Variants in SOX6 observed in about 807,000 individuals in gnomAD.
SOX6 encodes the protein transcription factor SOX-6.
A neutral mutation model predicts 97.8 loss-of-function variants in SOX6; 11 were observed. The observed-to-expected ratio is 0.11, with a 90% CI of 0.07 to 0.19. The LOEUF (loss-of-function observed/expected upper bound fraction) is 0.19. Among genes scored for constraint, SOX6 ranks in the 10% least tolerant of loss-of-function variants. SOX6 has a pLI of 1.00. For synonymous variants in SOX6, 360 were observed against 371.4 expected, an observed-to-expected ratio of 0.97 and a Z score of 0.35; for missense variants, 810 against 1,039.5, an observed-to-expected ratio of 0.78 and a Z score of 3.04.
chr11:16,277,198 C>T (rs1032361591), intron 3 of SOX6, among the ~76,000 whole-genome samples: 3 of 152,006 alleles, frequency 2.0e-5, no homozygotes, highest in African/African-American at 7.2e-5. Context: ...TATCTGGAGA[C>T]GTGGTCTTTG....
At chr11:16,312,431 A>G (rs903205570) in intron 3 of SOX6, 1 of 152,218 alleles carries the variant, frequency 6.6e-6, no homozygotes, top group African/African-American at 2.4e-5. Context: ...GCCTAGGATC[A>G]TATACTTAGT....
chr11:16,366,802 T>A (rs887422794), intron 1 of SOX6, among the ~76,000 whole-genome samples: 1 of 152,168 alleles, frequency 6.6e-6, no homozygotes, highest in Non-Finnish European at 1.5e-5. Context: ...TAACAGATAC[T>A]GTCAGGTGAT....
chr11:16,610,492 G>T lies in SOX6; in HGVS notation n.609+1589C>A, dbSNP rs548816833. Among the ~76,000 whole-genome samples the T allele has an allele frequency of 6.6e-6, 1 of 152,290 alleles. No individual in the cohort carries two copies. Among genetic ancestry groups the T allele is most frequent in the East Asian group, 1.9e-4 (1 of 5,178 alleles). ...CGGGAGGCAAGAAGGAAAAGAAGGA[G>T]ACATTATCAAGATCTCTGGCGTCCA... On this transcript the variant is annotated intron_variant and non_coding_transcript_variant, in intron 4 of 5. Coordinates refer to the SOX6 transcript ENST00000524520. This position sits in a 1 kb window ranked among gnomAD's most constrained non-coding sequence, Gnocchi z 4.4.
chr11:16,515,794 T>C (rs1860961802), intron 4 of SOX6, among the ~76,000 whole-genome samples: 1 of 122,640 alleles, frequency 8.2e-6, no homozygotes, highest in Non-Finnish European at 1.7e-5. Context: ...GCACCATTTA[T>C]TAAATAGGGA....
At chr11:16,062,357 A>G (rs1388424983) in intron 9 of SOX6, among the ~76,000 whole-genome samples, 1 of 151,724 alleles carries the variant, frequency 6.6e-6, no homozygotes, top group Non-Finnish European at 1.5e-5. Flanking sequence ...GAAAAGGTTA[A>G]ATTCTGATTA....
chr11:16,010,199 C>T (rs1854676963), intron 13 of SOX6, among the ~76,000 whole-genome samples: 1 of 150,330 alleles, frequency 6.7e-6, no homozygotes, highest in South Asian at 2.1e-4. Context: ...AGGGTAAGGT[C>T]ATCTTGGCTG....
chr11:16,717,417 T>C (rs541158142), intron 2 of SOX6, among the ~76,000 whole-genome samples: 9 of 152,198 alleles, frequency 5.9e-5, no homozygotes, highest in Admixed American at 1.3e-4. Context: ...TTCTGAAATC[T>C]TGATTTATAA....
At chr11:16,096,463 T>C (rs1339596998) in intron 8 of SOX6, among the ~76,000 whole-genome samples, 1 of 151,722 alleles carries the variant, frequency 6.6e-6, no homozygotes, top group East Asian at 1.9e-4. Flanking sequence ...GCAAGAGAGG[T>C]GAGGTTGCTG....
At position 16,211,731 on chromosome 11, in the gene SOX6, T is replaced by C. The variant is rs543117409; in HGVS notation, c.535+22851A>G. On this transcript the variant is annotated intron_variant, in intron 4 of 15. Coordinates refer to ENST00000683767, the MANE Select transcript of SOX6 (RefSeq NM_001367873.1). ...CTCTTCTCCTGTTCTCCACAGTGTC[T>C]CACATTGGTTGAACCCAACTGGAAG... 5.9e-5 allele frequency among the ~76,000 whole-genome samples: 9 copies of C among 152,232 alleles called. No homozygotes were observed. In the East Asian group the frequency reaches 1.5e-3, roughly 26 times the overall value.
At chr11:16,126,807 T>C (rs927936570) in intron 6 of SOX6, among the ~76,000 whole-genome samples, 63 of 152,302 alleles carry the variant, frequency 4.1e-4, no homozygotes, top group African/African-American at 1.3e-3. Flanking sequence ...GCCCTTTTTA[T>C]ACAGAAAGCA....
intron 5 of SOX6, among the ~76,000 whole-genome samples, chr11:16,185,660 T>C (rs550427475): frequency 6.6e-6 from 1 of 152,342 alleles, no homozygotes; most frequent in East Asian, 1.9e-4. Flanking sequence ...AAGTGTTCAC[T>C]GTAAGATATC....
chr11:16,626,254 C>T (rs1312319021), intron 3 of SOX6, among the ~76,000 whole-genome samples: 3 of 152,146 alleles, frequency 2.0e-5, no homozygotes, highest in Non-Finnish European at 4.4e-5. Flanking sequence ...TTCCAACAGG[C>T]GAAGCTCATT....
chr11:16,328,228 C>G (rs986088459), intron 2 of SOX6, among the ~76,000 whole-genome samples: 1 of 152,122 alleles, frequency 6.6e-6, no homozygotes, highest in Non-Finnish European at 1.5e-5. Context: ...ATATAACACT[C>G]TCTTCCTAAG....
intron 1 of SOX6, among the ~76,000 whole-genome samples, chr11:16,423,425 TTG>T (rs2133067242): frequency 6.6e-6 from 1 of 152,274 alleles, no homozygotes; most frequent in Admixed American, 6.5e-5. Flanking sequence ...AATAAGATCC[TTG>T]TGACGTTATT....
chr11:16,538,871 T>C (rs1352621669), intron 4 of SOX6, among the ~76,000 whole-genome samples: 1 of 152,034 alleles, frequency 6.6e-6, no homozygotes, highest in Non-Finnish European at 1.5e-5. Flanking sequence ...CACACAACAA[T>C]AATGGGAGAC....
At chr11:16,169,277 A>C (rs1038480981) in intron 6 of SOX6, among the ~76,000 whole-genome samples, 1 of 152,154 alleles carries the variant, frequency 6.6e-6, no homozygotes, top group African/African-American at 2.4e-5. Flanking sequence ...GAATCAGAAG[A>C]CAATTATTGT....
chr11:16,691,264 G>A (rs570566671), intron 3 of SOX6, among the ~76,000 whole-genome samples: 1 of 152,170 alleles, frequency 6.6e-6, no homozygotes, highest in South Asian at 2.1e-4. Context: ...AAGAAAAGGT[G>A]ACAAAAGTAG....
chr11:16,593,169 A>T (rs1372341384), intron 4 of SOX6, among the ~76,000 whole-genome samples: 1 of 152,210 alleles, frequency 6.6e-6, no homozygotes, highest in Middle Eastern at 3.2e-3. Flanking sequence ...ACAGAAATGA[A>T]AAATATAATA....
At chr11:16,125,400 G>A (rs1849584746) in intron 6 of SOX6, among the ~76,000 whole-genome samples, 1 of 151,946 alleles carries the variant, frequency 6.6e-6, no homozygotes, top group Admixed American at 6.6e-5. Flanking sequence ...ATTTTCTATG[G>A]AAAAAAATAA....
Sources: allele counts gnomAD v4.1 joint callset (sites outside exome capture counted in the v4.1 genomes callset), GRCh38; gene constraint gnomAD v4.1.1; non-coding constraint Gnocchi (gnomAD v3.1); transcripts MANE v1.5; gene names NCBI Gene and HGNC (gene_info 2026-07-23, HGNC 2026-07-21).